Variants in ZNF473 observed in about 807,000 individuals in gnomAD.
ZNF473 encodes the protein zinc finger protein 100 homolog.
ZNF473 carries 4 observed loss-of-function variants against 11.1 expected under a neutral mutation model. The observed-to-expected ratio is 0.36, with a 90% CI of 0.18 to 0.82. ZNF473 has a LOEUF of 0.82. Ranked by LOEUF, ZNF473 falls within the 40% of genes least tolerant of loss-of-function variation. The pLI is 0.49. For missense variants in ZNF473, 854 were observed against 1,084.0 expected, an observed-to-expected ratio of 0.79 and a Z score of 2.98; for synonymous variants, 404 against 390.4, an observed-to-expected ratio of 1.03 and a Z score of -0.41.
At position 50,046,765 on chromosome 19, in the gene ZNF473, T is replaced by G. The variant is rs142572670; in HGVS notation, c.2322T>G (p.Ser774=). The G allele has an allele frequency of 1.2e-6, 2 of 1,614,024 alleles. No homozygotes were observed. The highest frequency in any genetic ancestry group is 2.7e-5 in the African/African-American group (2 of 74,904). Residue 774 remains serine (S), a synonymous_variant, in exon 5 of 5, where the codon TCT becomes TCG. Transcript: ENST00000270617. This position sits in a 1 kb window ranked among gnomAD's most constrained non-coding sequence, Gnocchi z 5.9. ...GKAFTQSSCL[S]IHRRVHTGEK... ...CCTTCACCCAGAGCTCATGCCTTTC[T>G]ATTCACCGGAGAGTTCACACTGGGG...
At chr19:50,037,179 G>C (rs1978494086) in intron 2 of ZNF473, among the ~76,000 whole-genome samples, 1 of 152,188 alleles carries the variant, frequency 6.6e-6, no homozygotes, top group Admixed American at 6.5e-5. Flanking sequence ...TGTGTGCTAA[G>C]TACTATGCAG....
In ZNF473 at chr19:50,039,712, C is replaced by T. The variant is rs1328899023; in HGVS notation, c.136+425C>T. ...TACTTCAAAGTCTTCCAGTTGCCCT[C>T]CCCTCTGCCTAAGCGGCTCTCAGGG... is the stretch of plus-strand genomic sequence containing the variant. On this transcript the variant is annotated intron_variant, in intron 3 of 4. Coordinates refer to ENST00000270617, the MANE Select transcript of ZNF473 (RefSeq NM_015428.4). The surrounding 1 kb of genome is among the most constrained non-coding windows in gnomAD (Gnocchi z 4.8). Among the ~76,000 whole-genome samples the T allele has an allele frequency of 2.0e-5, 3 of 152,248 alleles. No homozygotes were observed. The highest frequency in any genetic ancestry group is 1.5e-5 in the Non-Finnish European group (1 of 68,044).
chr19:50,044,072 CT>C (rs1978934308), intron 4 of ZNF473, among the ~76,000 whole-genome samples: 1 of 152,076 alleles, frequency 6.6e-6, no homozygotes, highest in Admixed American at 6.5e-5. Context: ...GATCCATTAA[CT>C]ACAAAGCCCT....
At chr19:50,030,857 G>T in intron 1 of ZNF473, 35 bp from the exon 2 acceptor site, 1 of 618,752 alleles carries the variant, frequency 1.6e-6, no homozygotes. Context: ...GGCTGAGGTG[G>T]CTTCAGTAAA....
Position 50,039,224 on chromosome 19 carries a change from C to T in ZNF473, c.73C>T (p.Leu25=). 1 of 1,614,172 alleles carries T rather than the reference C, an allele frequency of 6.2e-7. No individual in the cohort carries two copies. The highest frequency in any genetic ancestry group is 8.5e-7 in the Non-Finnish European group (1 of 1,180,012). ...FTLGDWEQLG[L]EQGDTFWDTA... ...CTTGGGAGACTGGGAGCAGCTCGGG[C>T]TGGAACAGGGGGACACGTTCTGGGA... Residue 25 remains leucine (L), a synonymous_variant, in exon 3 of 5, where the codon CTG becomes TTG. Coordinates refer to ENST00000270617, the MANE Select transcript of ZNF473 (RefSeq NM_015428.4). The surrounding 1 kb of genome is among the most constrained non-coding windows in gnomAD (Gnocchi z 4.8).
At chr19:50,041,520 T>C (rs1978767057) in intron 3 of ZNF473, 1 of 388,804 alleles carries the variant, frequency 2.6e-6, no homozygotes, top group South Asian at 5.0e-5. Flanking sequence ...TCACCCTGGA[T>C]TGTGATTGTT....
chr19:50,037,991 C>G (rs1300063846), intron 2 of ZNF473, among the ~76,000 whole-genome samples: 1 of 143,780 alleles, frequency 7.0e-6, no homozygotes, highest in Non-Finnish European at 1.5e-5. Context: ...CTACCGCTGA[C>G]TAGCCAAATA....
intron 2 of ZNF473, among the ~76,000 whole-genome samples, chr19:50,031,559 A>T (rs1421214937): frequency 6.6e-6 from 1 of 152,054 alleles, no homozygotes; most frequent in East Asian, 1.9e-4. Flanking sequence ...GACCCGGCTC[A>T]GTTCCCCCAC....
intron 2 of ZNF473, among the ~76,000 whole-genome samples, chr19:50,035,027 C>G (rs1175104400): frequency 3.3e-5 from 5 of 152,192 alleles, no homozygotes; most frequent in Non-Finnish European, 5.9e-5. Context: ...CATGGTGGCT[C>G]ATGCCTGTAA....
chr19:50,026,259 T>TCA (rs2077273804), intron 1 of ZNF473, 137 bp downstream of exon 1: 1 of 152,474 alleles, frequency 6.6e-6, no homozygotes, highest in Non-Finnish European at 1.5e-5. Flanking sequence ...GAACCGTCTT[T>TCA]CACAGTCTGT....
At position 50,030,923 on chromosome 19, in the gene ZNF473, C is replaced by T. The variant is rs2077314277; in HGVS notation, c.-160C>T. 3 of 1,021,522 alleles carry T rather than the reference C, an allele frequency of 2.9e-6. No individual in the cohort carries two copies. The highest frequency in any genetic ancestry group is 1.5e-5 in the South Asian group (1 of 68,778). The allele number at this position is 1,021,522 out of a possible 1,614,324, so 63.3% of individuals were successfully genotyped here. On this transcript the variant is annotated 5_prime_UTR_variant, in exon 2 of 5. Transcript: ENST00000270617. Reference sequence around the variant, plus strand: ...TCACATTGGGACTTGTCCTCCTCCTCCTGGACATTTTGGGGGCTCGTCAGC... The same window carrying T: ...TCACATTGGGACTTGTCCTCCTCCTTCTGGACATTTTGGGGGCTCGTCAGC...
chr19:50,037,545 G>A (rs1600755910), intron 2 of ZNF473, among the ~76,000 whole-genome samples: 2 of 151,954 alleles, frequency 1.3e-5, no homozygotes, highest in African/African-American at 4.8e-5. Context: ...AACTGTCCAG[G>A]TACAGTGGCT....
rs1979040125 is a variant in ZNF473, at chr19:50,045,508, C to T, written c.1065C>T (p.Thr355=). ...ATGAGTGTTCCAAGTGCCAGGCGAC[C>T]TTCAACTTGAGAAAACACCTCATCC... ...KRYECSKCQA[T]FNLRKHLIQH... Residue 355 remains threonine, a synonymous_variant, in exon 5 of 5, where the codon ACC becomes ACT. Transcript: ENST00000270617. The T allele has an allele frequency of 3.7e-6, 6 of 1,614,184 alleles. No homozygotes were observed. The East Asian group carries it at 1.3e-4, about 36-fold the overall frequency.
In ZNF473 at chr19:50,045,410, A is replaced by G. The variant is rs1445768278; in HGVS notation, c.967A>G (p.Asn323Asp). The part of the protein sequence containing the change: ...THTDSKSYNC[N>D]ECGKAFTRIF... ...CACAGATAGTAAGTCCTACAACTGTAACGAATGCGGCAAGGCTTTTACCCG... is the reference window on the plus strand; with the variant it reads ...CACAGATAGTAAGTCCTACAACTGTGACGAATGCGGCAAGGCTTTTACCCG... The change falls in exon 5 of 5, where the codon AAC becomes GAC. Residue 323 changes from asparagine (N) to aspartate (D), a missense_variant. By Grantham distance (23) the Asn-to-Asp change is conservative. This residue lies in a region of ZNF473 where 668 missense variants were observed against 790.2 expected (regional missense o/e 0.85). Transcript: ENST00000270617. 2.5e-6 allele frequency: 4 copies of G among 1,614,110 alleles called. No homozygotes were observed. The African/African-American group carries it at 4.0e-5, about 16-fold the overall frequency.
intron 2 of ZNF473, among the ~76,000 whole-genome samples, chr19:50,034,702 T>C (rs982618557): frequency 6.6e-6 from 1 of 151,688 alleles, no homozygotes; most frequent in African/African-American, 2.4e-5. Flanking sequence ...TCTCAGCTGT[T>C]AGTTAGAGAA....
chr19:50,047,629 C>T lies in ZNF473; in HGVS notation c.*570C>T, dbSNP rs1028479657. The T allele has an allele frequency of 1.3e-5, 2 of 152,570 alleles. No individual in the cohort carries two copies. The highest frequency in any genetic ancestry group is 2.9e-5 in the Non-Finnish European group (2 of 68,310). The allele number at this position is 152,570 out of a possible 1,614,324, so 9.5% of individuals were successfully genotyped here. On this transcript the variant is annotated 3_prime_UTR_variant, in exon 5 of 5. Transcript: ENST00000270617. Reference sequence around the variant, plus strand: ...CACTTTACTCTTCTTAAGTGCCTGGCCTTTTTTGTCCCTTTATCTCTCCTG... The same window carrying T: ...CACTTTACTCTTCTTAAGTGCCTGGTCTTTTTTGTCCCTTTATCTCTCCTG...
Position 50,045,717 on chromosome 19 carries a change from A to G in ZNF473, c.1274A>G (p.His425Arg), listed in dbSNP as rs141963445. ...NSTLKIHQRV[H>R]SGEKPYKCSE... ...ACCCTAAAGATCCATCAGAGGGTTC[A>G]CAGTGGAGAGAAGCCTTACAAATGC... is the stretch of plus-strand genomic sequence containing the variant. Residue 425 changes from histidine (H) to arginine (R), a missense_variant, in exon 5 of 5, where the codon CAC becomes CGC. Around this residue, in one of 2 missense-constraint regions of ZNF473, gnomAD observed 668 missense variants for 790.2 expected, o/e 0.85. Transcript: ENST00000270617. 9 of 1,614,050 alleles carry G rather than the reference A, an allele frequency of 5.6e-6. No homozygotes were observed. In the African/African-American group the frequency reaches 9.3e-5, roughly 17 times the overall value.
In ZNF473 at chr19:50,045,730, G is replaced by A; in HGVS notation, c.1287G>A (p.Lys429=). Residue 429 remains lysine, a synonymous_variant, in exon 5 of 5, where the codon AAG becomes AAA. Transcript: ENST00000270617. ...KIHQRVHSGE[K]PYKCSECGKA... ...ATCAGAGGGTTCACAGTGGAGAGAA[G>A]CCTTACAAATGCAGTGAGTGTGGGA... 3.1e-6 allele frequency: 5 copies of A among 1,614,098 alleles called. No homozygotes were observed. Among genetic ancestry groups the A allele is most frequent in the Non-Finnish European group, 4.2e-6 (5 of 1,180,026 alleles).
rs1979196619 is a variant in ZNF473 at position 50,047,286 on chromosome 19, C to G, written c.*227C>G. 1 of 494,134 alleles carries G rather than the reference C, an allele frequency of 2.0e-6. No individual in the cohort carries two copies. The highest frequency in any genetic ancestry group is 1.9e-5 in the African/African-American group (1 of 51,938). The allele number at this position is 494,134 out of a possible 1,614,324, so 30.6% of individuals were successfully genotyped here. On this transcript the variant is annotated 3_prime_UTR_variant, in exon 5 of 5. Coordinates refer to ENST00000270617, the MANE Select transcript of ZNF473 (RefSeq NM_015428.4). Reference sequence around the variant, plus strand: ...AGCCAGTCTACCTTGAGTTAAATCCCACCTCTGCCATCTACTACCTAAGTG... The same window carrying G: ...AGCCAGTCTACCTTGAGTTAAATCCGACCTCTGCCATCTACTACCTAAGTG...
Sources: allele counts gnomAD v4.1 joint callset (sites outside exome capture counted in the v4.1 genomes callset), GRCh38; gene constraint gnomAD v4.1.1; regional missense constraint gnomAD v4.1.1; non-coding constraint Gnocchi (gnomAD v3.1); transcripts MANE v1.5; gene names NCBI Gene and HGNC (gene_info 2026-07-23, HGNC 2026-07-21).